The following DLG2 variants were observed in gnomAD, a reference collection of about 807,000 sequenced individuals.
DLG2 encodes the protein discs large MAGUK scaffold protein 2.
Under a neutral mutation model 132.5 loss-of-function variants are expected in DLG2, and 45 were observed. The observed-to-expected ratio is 0.34, with a 90% confidence interval of 0.27 to 0.44. DLG2 has a LOEUF of 0.44. DLG2 is among the 20% of genes least tolerant of loss of function. DLG2 has a pLI of 1.00. For synonymous variants in DLG2, 424 were observed against 419.6 expected (o/e 1.01, Z -0.13); for missense variants, 1,045 against 1,196.9 (o/e 0.87, Z 1.87).
chr11:85,199,902 C>G (rs1211678730), intron 4 of DLG2, among the ~76,000 whole-genome samples: 1 of 151,428 alleles, frequency 6.6e-6, no homozygotes, highest in Non-Finnish European at 1.5e-5. Context: ...ACCCCCACAC[C>G]AAGAACGCAG....
At chr11:85,369,605 G>T (rs536946809) in intron 3 of DLG2, among the ~76,000 whole-genome samples, 1 of 152,234 alleles carries the variant, frequency 6.6e-6, no homozygotes, top group African/African-American at 2.4e-5. Flanking sequence ...GGTGTGCTTT[G>T]CCTGTCTGCA....
intron 7 of DLG2, among the ~76,000 whole-genome samples, chr11:84,514,677 G>A (rs1444854012): frequency 1.3e-5 from 2 of 151,790 alleles, no homozygotes; most frequent in East Asian, 3.9e-4. Context: ...CAGGGGTGGG[G>A]GTGAGGAGGA....
chr11:84,562,023 A>C (rs956916120), intron 6 of DLG2, among the ~76,000 whole-genome samples: 1 of 152,098 alleles, frequency 6.6e-6, no homozygotes, highest in Non-Finnish European at 1.5e-5. Flanking sequence ...CATACCCCTT[A>C]TGTAACCATA....
intron 17 of DLG2, among the ~76,000 whole-genome samples, chr11:83,811,584 T>A (rs1396623234): frequency 6.6e-6 from 1 of 152,178 alleles, no homozygotes; most frequent in Non-Finnish European, 1.5e-5. Context: ...CGACATTTGC[T>A]GTTTTGATTA....
intron 15 of DLG2, among the ~76,000 whole-genome samples, chr11:83,874,832 A>C (rs2064354041): frequency 6.6e-6 from 1 of 152,258 alleles, no homozygotes; most frequent in South Asian, 2.1e-4. Flanking sequence ...ACCAGATAAG[A>C]GTTAATTTTT....
intron 18 of DLG2, among the ~76,000 whole-genome samples, chr11:83,724,522 A>AGAGAGAGAGAGAGAGAGAGAG (rs1593148600): frequency 6.9e-6 from 1 of 144,540 alleles, no homozygotes. Context: ...AGAGAGAGAG[A>AGAGAGAGAGAGAGAGAGAGAG]ATATCAAGAG....
At chr11:84,937,384 C>CAAAAAAA (rs35813381) in intron 6 of DLG2, among the ~76,000 whole-genome samples, 2 of 132,446 alleles carry the variant, frequency 1.5e-5, no homozygotes, top group African/African-American at 2.7e-5. Context: ...CATACCAGAC[C>CAAAAAAA]AAAAAAAAAA....
chr11:84,491,979 T>G (rs1048663920), intron 7 of DLG2, among the ~76,000 whole-genome samples: 42 of 152,112 alleles, frequency 2.8e-4, no homozygotes, highest in African/African-American at 9.9e-4. Context: ...GTAGAGATTG[T>G]TGCTAAAAAT....
chr11:84,755,076 T>C (rs895401118), intron 6 of DLG2, among the ~76,000 whole-genome samples: 1 of 152,182 alleles, frequency 6.6e-6, no homozygotes, highest in African/African-American at 2.4e-5. Context: ...TCTTTTACTA[T>C]CATATTCAAC....
intron 19 of DLG2, among the ~76,000 whole-genome samples, chr11:83,627,336 C>A (rs1350544346): frequency 2.0e-5 from 3 of 151,920 alleles, no homozygotes; most frequent in Non-Finnish European, 4.4e-5. Flanking sequence ...TTAGGTATAT[C>A]TCCTAATGCT....
At chr11:84,199,565 T>A (rs2096565555) in intron 8 of DLG2, among the ~76,000 whole-genome samples, 1 of 151,506 alleles carries the variant, frequency 6.6e-6, no homozygotes, top group African/African-American at 2.4e-5. Context: ...AAAGAAAAAA[T>A]GGAAGAACAA....
chr11:84,750,962 T>A (rs558197076), intron 6 of DLG2, among the ~76,000 whole-genome samples: 3 of 152,284 alleles, frequency 2.0e-5, no homozygotes, highest in African/African-American at 7.2e-5. Flanking sequence ...AAATCAGGCA[T>A]TGAGGTATCC....
intron 19 of DLG2, among the ~76,000 whole-genome samples, chr11:83,614,371 A>G (rs1010515256): frequency 1.3e-5 from 2 of 152,246 alleles, no homozygotes; most frequent in Non-Finnish European, 2.9e-5. Flanking sequence ...TTTCTTTCTT[A>G]GCACATTCAA....
At chr11:85,125,977 C>T (rs544765630) in intron 5 of DLG2, among the ~76,000 whole-genome samples, 1 of 152,000 alleles carries the variant, frequency 6.6e-6, no homozygotes, top group African/African-American at 2.4e-5. Flanking sequence ...AGAGTGTACT[C>T]CAAGAATACA....
intron 16 of DLG2, among the ~76,000 whole-genome samples, chr11:83,846,314 A>G (rs1281352698): frequency 6.6e-6 from 1 of 152,234 alleles, no homozygotes; most frequent in African/African-American, 2.4e-5. Flanking sequence ...CAGACTGGGA[A>G]GGAACATGGA....
chr11:83,751,709 T>A (rs921764299), intron 18 of DLG2, among the ~76,000 whole-genome samples: 5 of 152,174 alleles, frequency 3.3e-5, no homozygotes, highest in African/African-American at 9.7e-5. Flanking sequence ...AAAAATGGAA[T>A]TGCCACTGAG....
intron 5 of DLG2, among the ~76,000 whole-genome samples, chr11:85,114,558 T>A (rs2073264262): frequency 6.6e-6 from 1 of 151,980 alleles, no homozygotes; most frequent in South Asian, 2.1e-4. Flanking sequence ...AAACATGTCC[T>A]CTTAAGAGAC....
intron 9 of DLG2, among the ~76,000 whole-genome samples, chr11:84,101,160 G>A (rs1351006636): frequency 1.3e-5 from 2 of 152,162 alleles, no homozygotes; most frequent in Non-Finnish European, 2.9e-5. Context: ...TAAGGCACAT[G>A]AAGGGGAAAT....
At chr11:83,611,581 T>C (rs2060118063) in intron 19 of DLG2, among the ~76,000 whole-genome samples, 1 of 152,228 alleles carries the variant, frequency 6.6e-6, no homozygotes, top group Non-Finnish European at 1.5e-5. Flanking sequence ...CACTTATCTG[T>C]ACATAAAAAT....
Sources: gnomAD v4.1 joint callset for allele counts (sites outside exome capture counted in the v4.1 genomes callset) on GRCh38, gnomAD v4.1.1 for gene constraint, MANE v1.5 for transcripts, NCBI Gene and HGNC (gene_info 2026-07-23, HGNC 2026-07-21) for gene names.